The following THEM4 variants were observed in gnomAD, a reference collection of about 807,000 sequenced individuals.
THEM4 encodes the protein acyl-coenzyme A thioesterase THEM4.
THEM4 carries 22 observed loss-of-function variants against 25.0 expected under a neutral mutation model. The ratio of observed to expected loss-of-function variants is 0.88; its 90% CI spans 0.63 to 1.26. The LOEUF (loss-of-function observed/expected upper bound fraction) is 1.26. Among genes scored for constraint, THEM4 ranks in the 50% most tolerant of loss-of-function variants. THEM4 has a pLI of 0.00. For missense variants in THEM4, 286 were observed against 300.3 expected (o/e 0.95, Z 0.35); for synonymous variants, 113 against 105.6 (o/e 1.07, Z -0.43).
chr1:151,879,637 T>C (rs1653765007), intron 4 of THEM4, among the ~76,000 whole-genome samples: 1 of 151,532 alleles, frequency 6.6e-6, no homozygotes, highest in Non-Finnish European at 1.5e-5. Context: ...AAATTCTCCA[T>C]TTTCTTTCTT....
intron 4 of THEM4, among the ~76,000 whole-genome samples, chr1:151,883,703 C>T (rs980670043): frequency 3.3e-5 from 5 of 150,666 alleles, no homozygotes; most frequent in Admixed American, 6.6e-5. Flanking sequence ...GGCATGATCT[C>T]GGCTCATTGC....
Position 151,877,021 on chromosome 1 carries a change from G to A in THEM4, c.662C>T (p.Thr221Ile), listed in dbSNP as rs1653698306. ...CTTACTTGTCGCCTCTGAGTATAGG[G>A]TCTTCTCATCAACACTCTGAACATT... ...SCNVQSVDEKTLYSEATSLFI... is the reference protein window; with the variant it reads ...SCNVQSVDEKILYSEATSLFI... Residue 221 changes from threonine (T) to isoleucine (I), a missense_variant, in exon 5 of 6, where the codon ACC becomes ATC. By Grantham distance (89) the Thr-to-Ile change is moderately conservative (BLOSUM62 -1). Transcript: ENST00000368814. 1 of 1,612,538 alleles carries A rather than the reference G, an allele frequency of 6.2e-7. No homozygotes were observed. The highest frequency in any genetic ancestry group is 1.1e-5 in the South Asian group (1 of 90,714).
At chr1:151,909,266 T>C (rs941807688) in intron 1 of THEM4, 94 bp downstream of exon 1, 287 of 1,048,820 alleles carry the variant, frequency 2.7e-4, no homozygotes, top group Non-Finnish European at 2.1e-4. Context: ...TGAGATTGGC[T>C]GGTTGGGGTA....
At chr1:151,905,393 TGAG>T (rs1654435208) in intron 1 of THEM4, among the ~76,000 whole-genome samples, 3 of 152,242 alleles carry the variant, frequency 2.0e-5, no homozygotes, top group African/African-American at 7.2e-5. Context: ...TTAGATGAAT[TGAG>T]AAGAAAGTCC....
At chr1:151,901,337 C>G (rs1309298135) in intron 1 of THEM4, among the ~76,000 whole-genome samples, 1 of 152,190 alleles carries the variant, frequency 6.6e-6, no homozygotes, top group Admixed American at 6.5e-5. Flanking sequence ...TACCTTGGAA[C>G]AAATGGACTT....
intron 1 of THEM4, among the ~76,000 whole-genome samples, chr1:151,905,079 G>A (rs1244688421): frequency 6.7e-6 from 1 of 148,722 alleles, no homozygotes; most frequent in African/African-American, 2.5e-5. Flanking sequence ...GTCCTGAACA[G>A]AGGAAAGGTC....
At chr1:151,893,595 C>T (rs1371404734) in intron 2 of THEM4, among the ~76,000 whole-genome samples, 1 of 152,002 alleles carries the variant, frequency 6.6e-6, no homozygotes, top group East Asian at 1.9e-4. Flanking sequence ...GGTTCACTCA[C>T]AGCAGGAAGA....
chr1:151,895,455 TC>T (rs1320482563), intron 1 of THEM4, among the ~76,000 whole-genome samples: 3 of 152,122 alleles, frequency 2.0e-5, no homozygotes, highest in Non-Finnish European at 4.4e-5. Context: ...CTGATTCCAT[TC>T]TTTTTTTCCA....
At chr1:151,898,212 C>A (rs1654268034) in intron 1 of THEM4, among the ~76,000 whole-genome samples, 1 of 152,144 alleles carries the variant, frequency 6.6e-6, no homozygotes, top group Non-Finnish European at 1.5e-5. Flanking sequence ...GCCCGTCTTG[C>A]CCTCCACCTG....
At position 151,889,307 on chromosome 1, in the gene THEM4, C is replaced by A; in HGVS notation, c.353G>T (p.Gly118Val). 1 of 1,613,992 alleles carries A rather than the reference C, an allele frequency of 6.2e-7. No individual in the cohort carries two copies. Among genetic ancestry groups the A allele is most frequent in the East Asian group, 2.2e-5 (1 of 44,876 alleles). The change falls in exon 3 of 6, where the codon GGC (glycine) becomes GTC (valine). Residue 118 changes from glycine to valine, a missense_variant. Transcript: ENST00000368814. ...AQLFTRSFDDGLGFEYVMFYN... is the reference protein window; with the variant it reads ...AQLFTRSFDDVLGFEYVMFYN... ...GAACATCACGTATTCAAAGCCCAGG[C>A]CATCATCAAAGCTTCTGGTGAAGAG...
At chr1:151,894,856 A>T in intron 2 of THEM4, 152 bp downstream of exon 2, 1 of 858,822 alleles carries the variant, frequency 1.2e-6, no homozygotes, top group Non-Finnish European at 1.8e-6. Flanking sequence ...TGCAAAATTT[A>T]TTGTGATTTC....
chr1:151,887,147 G>C (rs1558190490), intron 4 of THEM4, among the ~76,000 whole-genome samples: 1 of 152,268 alleles, frequency 6.6e-6, no homozygotes, highest in East Asian at 1.9e-4. Context: ...AAACAATTAA[G>C]GCCAGGTGCA....
At chr1:151,905,463 A>G (rs1207329770) in intron 1 of THEM4, among the ~76,000 whole-genome samples, 4 of 151,980 alleles carry the variant, frequency 2.6e-5, no homozygotes, top group African/African-American at 7.3e-5. Context: ...GCGCTCAAAT[A>G]TGGGGCCTGA....
At chr1:151,895,407 G>A (rs1224760060) in intron 1 of THEM4, among the ~76,000 whole-genome samples, 1 of 152,132 alleles carries the variant, frequency 6.6e-6, no homozygotes, top group Non-Finnish European at 1.5e-5. Flanking sequence ...ACATCACCCA[G>A]CGAGCTATTG....
rs138997185 is a variant in THEM4, at chr1:151,876,530, C to A, written c.682+471G>T. Among the ~76,000 whole-genome samples, 1,490 of 151,982 alleles carry A rather than the reference C, an allele frequency of 9.8e-3. 27 individuals are homozygous for A. Among genetic ancestry groups the A allele is most frequent in the African/African-American group, 0.035 (1,431 of 41,430 alleles). ...AGGTGCGATCTCAGCTCACTGCAAC[C>A]TCTGTCTCCTGGGTTCAAGGGAGCC... On this transcript the variant is annotated intron_variant, in intron 5 of 5. Transcript: ENST00000368814.
chr1:151,882,030 A>AT (rs113395082), intron 4 of THEM4, among the ~76,000 whole-genome samples: 20 of 149,876 alleles, frequency 1.3e-4, no homozygotes, highest in African/African-American at 2.2e-4. Context: ...ATTCAGGGTA[A>AT]TTTTTTTTTT....
At position 151,895,061 on chromosome 1, in the gene THEM4, G is replaced by A. The variant is rs977509992; in HGVS notation, c.233C>T (p.Ser78Leu). Residue 78 changes from serine (S) to leucine (L), a missense_variant, in exon 2 of 6, where the codon TCA becomes TTA. Ser to Leu is a moderately radical substitution (Grantham distance 145). Transcript: ENST00000368814. The part of the protein sequence containing the change: ...CEDGSWKRLP[S>L]YKRTPTEWIQ... ...CCATTCAGTAGGTGTACGTTTATAT[G>A]AAGGCAAACGTTTCCAGGAGCCGTC... The A allele has an allele frequency of 6.2e-7, 1 of 1,614,100 alleles. No individual in the cohort carries two copies. Among genetic ancestry groups the A allele is most frequent in the Admixed American group, 1.7e-5 (1 of 60,012 alleles).
Position 151,909,350 on chromosome 1 carries a change from C to T in THEM4, c.99+10G>A, listed in dbSNP as rs1001162034. The stretch of plus-strand genomic sequence containing the variant: ...GCTCCCGCCCCATGCCCGAGGGTGC[C>T]CAGACTCACCAGCTCGGGTCGCGGC... On this transcript the variant is annotated intron_variant, in intron 1 of 5. Coordinates refer to ENST00000368814, the MANE Select transcript of THEM4 (RefSeq NM_053055.5). 2 of 1,514,992 alleles carry T rather than the reference C, an allele frequency of 1.3e-6. No individual in the cohort carries two copies. Among genetic ancestry groups the T allele is most frequent in the Non-Finnish European group, 1.8e-6 (2 of 1,137,040 alleles). The allele number at this position is 1,514,992 out of a possible 1,614,324, so 93.8% of individuals were successfully genotyped here. A position where few individuals can be genotyped will look rare whatever the true frequency, so the allele number is the denominator to read the frequency against.
chr1:151,904,144 G>A (rs1214114152), intron 1 of THEM4, among the ~76,000 whole-genome samples: 4 of 152,252 alleles, frequency 2.6e-5, no homozygotes, highest in African/African-American at 9.6e-5. Context: ...TCCAAGCGAA[G>A]GCATAGGAGA....
Sources: gnomAD v4.1 joint callset for allele counts (sites outside exome capture counted in the v4.1 genomes callset) on GRCh38, gnomAD v4.1.1 for gene constraint, MANE v1.5 for transcripts, NCBI Gene and HGNC (gene_info 2026-07-23, HGNC 2026-07-21) for gene names.